GHR: variants seen among roughly 807,000 people sequenced by gnomAD.
GHR encodes growth hormone receptor.
GHR carries 35 observed loss-of-function variants against 67.1 expected under a neutral mutation model. The ratio of observed to expected loss-of-function variants is 0.52; its 90% CI spans 0.40 to 0.69. GHR has a LOEUF of 0.69. Ranked by LOEUF, GHR falls within the 30% of genes least tolerant of loss-of-function variation. The pLI is 0.00. For missense variants in GHR, 792 were observed against 764.6 expected (o/e 1.04, Z -0.42); for synonymous variants, 272 against 269.1 (o/e 1.01, Z -0.10).
intron 1 of GHR, among the ~76,000 whole-genome samples, chr5:42,534,836 AT>A (rs1011591776): frequency 1.6e-4 from 24 of 151,110 alleles, no homozygotes; most frequent in African/African-American, 4.9e-4. Flanking sequence ...TTTTATTATT[AT>A]TTTTTTTATT....
chr5:42,463,437 A>G (rs1043032306), intron 1 of GHR, among the ~76,000 whole-genome samples: 1 of 152,264 alleles, frequency 6.6e-6, no homozygotes. Context: ...TGAATTGATT[A>G]GCAGCAGTAT....
At chr5:42,592,831 A>G (rs987914192) in intron 2 of GHR, among the ~76,000 whole-genome samples, 5 of 152,172 alleles carry the variant, frequency 3.3e-5, no homozygotes, top group South Asian at 4.1e-4. Context: ...TGCTTTCCAT[A>G]GTGGCTGAAC....
intron 1 of GHR, among the ~76,000 whole-genome samples, chr5:42,498,931 C>G (rs866958064): frequency 4.7e-4 from 72 of 152,262 alleles, no homozygotes; most frequent in African/African-American, 1.6e-3. Flanking sequence ...AATCTCTGGT[C>G]TAAACTCTTA....
At chr5:42,659,742 G>A (rs1023771915) in intron 3 of GHR, among the ~76,000 whole-genome samples, 4 of 152,198 alleles carry the variant, frequency 2.6e-5, no homozygotes, top group South Asian at 4.1e-4. Context: ...ACTAGGGAGT[G>A]CCAGACAGTG....
chr5:42,544,410 C>G (rs1368798307), intron 1 of GHR, among the ~76,000 whole-genome samples: 1 of 152,140 alleles, frequency 6.6e-6, no homozygotes, highest in Non-Finnish European at 1.5e-5. Flanking sequence ...CTGAAATTCT[C>G]TTCTTGTCTA....
chr5:42,457,876 T>G (rs11738365), intron 1 of GHR, among the ~76,000 whole-genome samples: 32,964 of 152,136 alleles, frequency 0.22, 3,903 homozygotes, highest in African/African-American at 0.29. Context: ...CCAAGCAAAC[T>G]ACTTACTAGC....
intron 3 of GHR, among the ~76,000 whole-genome samples, chr5:42,679,408 C>T (rs1756744853): frequency 1.3e-5 from 2 of 151,472 alleles, no homozygotes; most frequent in Admixed American, 6.6e-5. Flanking sequence ...GGGTGGATCC[C>T]GAGGTCAAGA....
chr5:42,666,111 G>T (rs948751445), intron 3 of GHR, among the ~76,000 whole-genome samples: 26 of 151,214 alleles, frequency 1.7e-4, no homozygotes, highest in African/African-American at 5.1e-4. Context: ...CAGTTTTCAG[G>T]TCTTCTATTT....
intron 1 of GHR, among the ~76,000 whole-genome samples, chr5:42,435,875 T>C (rs1429182220): frequency 6.6e-6 from 1 of 152,252 alleles, no homozygotes; most frequent in African/African-American, 2.4e-5. Flanking sequence ...GAAAATACAA[T>C]GATGTTGAAT....
intron 1 of GHR, among the ~76,000 whole-genome samples, chr5:42,510,954 T>G (rs896511200): frequency 6.6e-6 from 1 of 152,220 alleles, no homozygotes; most frequent in African/African-American, 2.4e-5. Flanking sequence ...CTGCTAAGGT[T>G]ATAATTCTGT....
chr5:42,614,087 C>T (rs954746477), intron 2 of GHR, among the ~76,000 whole-genome samples: 1 of 152,088 alleles, frequency 6.6e-6, no homozygotes, highest in Non-Finnish European at 1.5e-5. Context: ...GTAATCCCAG[C>T]TCAGAAGTCC....
chr5:42,476,494 C>T (rs1286391015), intron 1 of GHR, among the ~76,000 whole-genome samples: 1 of 152,210 alleles, frequency 6.6e-6, no homozygotes, highest in Non-Finnish European at 1.5e-5. Context: ...GCTGGGATTA[C>T]AGGCGTGAGC....
intron 1 of GHR, among the ~76,000 whole-genome samples, chr5:42,512,038 G>C (rs1400998107): frequency 6.6e-6 from 1 of 152,150 alleles, no homozygotes; most frequent in Admixed American, 6.5e-5. Context: ...ATTAATATTT[G>C]ATGGAAATTT....
intron 1 of GHR, among the ~76,000 whole-genome samples, chr5:42,558,148 A>T (rs1390517590): frequency 6.6e-6 from 1 of 152,158 alleles, no homozygotes; most frequent in African/African-American, 2.4e-5. Flanking sequence ...TAATAATTGT[A>T]TTTCTGAAGG....
Position 42,720,149 on chromosome 5 carries a change from A to T in GHR, c.*725A>T, listed in dbSNP as rs1412978091. 6.6e-6 allele frequency: 1 copy of T among 152,206 alleles called. No individual in the cohort carries two copies. The highest frequency in any genetic ancestry group is 1.5e-5 in the Non-Finnish European group (1 of 68,126). The allele number at this position is 152,206 out of a possible 1,614,324, so 9.4% of individuals were successfully genotyped here. On this transcript the variant is annotated 3_prime_UTR_variant, in exon 10 of 10. Coordinates refer to ENST00000230882, the MANE Select transcript of GHR (RefSeq NM_000163.5). ...ACAAAGCCCTTTTATACCTCCCCAG[A>T]CTCCTTCAACAATTCTAAAATGATT...
intron 3 of GHR, among the ~76,000 whole-genome samples, chr5:42,657,333 T>A (rs1755307047): frequency 6.6e-6 from 1 of 152,022 alleles, no homozygotes; most frequent in Non-Finnish European, 1.5e-5. Flanking sequence ...GCTCTAAGAG[T>A]CTGTGTCTAC....
At chr5:42,633,882 A>G (rs987964092) in intron 3 of GHR, among the ~76,000 whole-genome samples, 4 of 152,098 alleles carry the variant, frequency 2.6e-5, no homozygotes, top group East Asian at 1.9e-4. Context: ...GTCTGAAACA[A>G]TCCTTCATAG....
chr5:42,518,854 T>A lies in GHR; in HGVS notation c.-11-47010T>A, dbSNP rs1747352073. ...CCAAAAATGTAAACACAAGTAAGCA[T>A]GCAAGCTGAAGAAGTCACTTGAAAT... On this transcript the variant is annotated intron_variant, in intron 1 of 9. Coordinates refer to ENST00000230882, the MANE Select transcript of GHR (RefSeq NM_000163.5). Among the ~76,000 whole-genome samples the A allele has an allele frequency of 2.0e-5, 3 of 152,112 alleles. No individual in the cohort carries two copies. The South Asian group carries it at 6.2e-4, about 32-fold the overall frequency.
At chr5:42,701,184 A>G (rs1488967030) in intron 6 of GHR, among the ~76,000 whole-genome samples, 7 of 152,186 alleles carry the variant, frequency 4.6e-5, no homozygotes, top group Non-Finnish European at 1.0e-4. Flanking sequence ...AATTTAACTT[A>G]ATGGCACAAA....
Sources: gnomAD v4.1 joint callset for allele counts (sites outside exome capture counted in the v4.1 genomes callset) on GRCh38, gnomAD v4.1.1 for gene constraint, MANE v1.5 for transcripts, NCBI Gene and HGNC (gene_info 2026-07-23, HGNC 2026-07-21) for gene names.